ATP8A1: variants seen among roughly 807,000 people sequenced by gnomAD.
The protein encoded by ATP8A1 is phospholipid-transporting ATPase IA.
A neutral mutation model predicts 177.7 loss-of-function variants in ATP8A1; 90 were observed. That is an observed-to-expected ratio of 0.51 (90% CI 0.43 to 0.60). The LOEUF is 0.60. Ranked by LOEUF, ATP8A1 falls within the 20% of genes least tolerant of loss-of-function variation. The pLI, the probability that ATP8A1 is intolerant of heterozygous loss-of-function variation, is 0.00. For missense variants in ATP8A1, 1,072 were observed against 1,392.8 expected (o/e 0.77, Z 3.67); for synonymous variants, 493 against 485.9 (o/e 1.01, Z -0.19).
chr4:42,618,781 T>TA, intron 4 of ATP8A1, among the ~76,000 whole-genome samples: 1 of 152,232 alleles, frequency 6.6e-6, no homozygotes, highest in South Asian at 2.1e-4. Flanking sequence ...GTTTTACTCT[T>TA]AAAAATGTAC....
intron 25 of ATP8A1, among the ~76,000 whole-genome samples, chr4:42,473,402 CCTCT>C (rs1287780312): frequency 2.0e-5 from 3 of 152,128 alleles, no homozygotes; most frequent in East Asian, 1.9e-4. Flanking sequence ...CGCCATGCCA[CCTCT>C]CTATTTAGGG....
intron 1 of ATP8A1, among the ~76,000 whole-genome samples, chr4:42,650,721 T>C (rs1741006223): frequency 6.6e-6 from 1 of 152,218 alleles, no homozygotes; most frequent in Non-Finnish European, 1.5e-5. Flanking sequence ...AGCATTATAG[T>C]ATTCAACAGA....
intron 33 of ATP8A1, among the ~76,000 whole-genome samples, chr4:42,430,479 C>G (rs1715147986): frequency 7.1e-6 from 1 of 140,120 alleles, no homozygotes; most frequent in Non-Finnish European, 1.6e-5. Context: ...CTCGCTAGTG[C>G]CTTTTTTTTT....
intron 7 of ATP8A1, among the ~76,000 whole-genome samples, chr4:42,589,475 T>G (rs1373640063): frequency 6.6e-6 from 1 of 152,238 alleles, no homozygotes; most frequent in Non-Finnish European, 1.5e-5. Context: ...CCCGAAGATT[T>G]GTGAAAATTG....
At chr4:42,579,388 A>C (rs1255867612) in intron 11 of ATP8A1, among the ~76,000 whole-genome samples, 2 of 147,872 alleles carry the variant, frequency 1.4e-5, no homozygotes, top group African/African-American at 4.9e-5. Context: ...AAATATTTAT[A>C]TTATTTAAAT....
At chr4:42,642,045 G>T (rs951371107) in intron 1 of ATP8A1, among the ~76,000 whole-genome samples, 1 of 151,712 alleles carries the variant, frequency 6.6e-6, no homozygotes, top group Non-Finnish European at 1.5e-5. Flanking sequence ...AGAAACTAAA[G>T]TCTTCCTGCC....
chr4:42,425,573 A>G (rs536772233), intron 33 of ATP8A1, among the ~76,000 whole-genome samples: 1 of 152,108 alleles, frequency 6.6e-6, no homozygotes, highest in Non-Finnish European at 1.5e-5. Context: ...AGGGGGGGAA[A>G]AATAAAATCC....
At chr4:42,482,885 A>T (rs1240535255) in intron 25 of ATP8A1, among the ~76,000 whole-genome samples, 3 of 152,208 alleles carry the variant, frequency 2.0e-5, no homozygotes, top group Non-Finnish European at 4.4e-5. Flanking sequence ...AATAGTTTAA[A>T]TTTGAGAGAA....
At chr4:42,536,599 A>G (rs1374381479) in intron 20 of ATP8A1, among the ~76,000 whole-genome samples, 1 of 152,250 alleles carries the variant, frequency 6.6e-6, no homozygotes, top group East Asian at 1.9e-4. Context: ...GAGTCATTCT[A>G]TGAAGCCACT....
rs1263894630 is a variant in ATP8A1, at chr4:42,555,147, T to TAATCA, written c.1413+820_1413+821insTGATT. ...TATCTATCTATCTATCTAATCTATC[T>TAATCA]ATCTATCTATCTATCTATCTATCTA... On this transcript the variant is annotated intron_variant, in intron 16 of 36. Transcript: ENST00000381668. Among the ~76,000 whole-genome samples, 4 of 74,536 alleles carry TAATCA rather than the reference T, an allele frequency of 5.4e-5. No homozygotes were observed. In the East Asian group the frequency reaches 1.5e-3, roughly 27 times the overall value. The allele number at this position is 74,536 out of a possible 152,430, so 48.9% of individuals were successfully genotyped here.
intron 25 of ATP8A1, among the ~76,000 whole-genome samples, chr4:42,465,339 C>A (rs191494144): frequency 1.5e-4 from 23 of 152,332 alleles, no homozygotes; most frequent in Non-Finnish European, 3.1e-4. Flanking sequence ...AAACATTAGC[C>A]TGCCAGAATG....
intron 5 of ATP8A1, among the ~76,000 whole-genome samples, chr4:42,605,754 T>A (rs1735736588): frequency 6.6e-6 from 1 of 152,222 alleles, no homozygotes; most frequent in South Asian, 2.1e-4. Context: ...AGCCAAACAG[T>A]GCATTCTCCT....
At chr4:42,459,586 G>C in intron 27 of ATP8A1, 1 of 256,486 alleles carries the variant, frequency 3.9e-6, no homozygotes, top group South Asian at 3.8e-5. Context: ...AAGGGATTGA[G>C]AATAGAAAAA....
At chr4:42,607,202 C>T (rs1460360) in intron 5 of ATP8A1, among the ~76,000 whole-genome samples, 146,185 of 152,264 alleles carry the variant, frequency 0.96, 70,424 homozygotes, top group East Asian at 1. Context: ...CCCCCATTTA[C>T]TGTGTTCTTG....
chr4:42,553,051 G>T (rs1021833619), intron 16 of ATP8A1, among the ~76,000 whole-genome samples: 2 of 152,170 alleles, frequency 1.3e-5, no homozygotes, highest in Non-Finnish European at 2.9e-5. Flanking sequence ...TTATACACTG[G>T]GGGTGTGGGA....
At chr4:42,577,823 T>C (rs112643021) in intron 12 of ATP8A1, among the ~76,000 whole-genome samples, 67 of 152,306 alleles carry the variant, frequency 4.4e-4, no homozygotes, top group African/African-American at 1.6e-3. Flanking sequence ...TAGTGATTGA[T>C]TATTTTCAAA....
At chr4:42,460,488 A>G (rs1039084478) in intron 27 of ATP8A1, among the ~76,000 whole-genome samples, 5 of 150,120 alleles carry the variant, frequency 3.3e-5, no homozygotes, top group African/African-American at 1.2e-4. Flanking sequence ...CCCTGGTTCA[A>G]ATGAGTCTCC....
At chr4:42,532,738 A>G (rs1727402947) in intron 20 of ATP8A1, among the ~76,000 whole-genome samples, 1 of 152,210 alleles carries the variant, frequency 6.6e-6, no homozygotes, top group Non-Finnish European at 1.5e-5. Context: ...CTAAGCCATC[A>G]TATCCCCTGT....
chr4:42,597,423 T>A (rs936583316), intron 6 of ATP8A1, among the ~76,000 whole-genome samples: 2 of 152,008 alleles, frequency 1.3e-5, no homozygotes, highest in African/African-American at 4.8e-5. Flanking sequence ...CATAGTACTA[T>A]TTTTTTTCAC....
Sources: gnomAD v4.1 joint callset for allele counts (sites outside exome capture counted in the v4.1 genomes callset) on GRCh38, gnomAD v4.1.1 for gene constraint, MANE v1.5 for transcripts, NCBI Gene and HGNC (gene_info 2026-07-23, HGNC 2026-07-21) for gene names.